SLC5A10: variants seen among roughly 807,000 people sequenced by gnomAD.
SLC5A10 encodes the protein solute carrier family 5 member 10.
SLC5A10 carries 55 observed loss-of-function variants against 68.9 expected under a neutral mutation model. The observed-to-expected ratio is 0.80, with a 90% CI of 0.64 to 1.00. The LOEUF (loss-of-function observed/expected upper bound fraction) is 1.00. Among genes scored for constraint, SLC5A10 ranks in the 50% least tolerant of loss-of-function variants. The pLI is 0.00. For missense variants in SLC5A10, 732 were observed against 819.3 expected (o/e 0.89, Z 1.30); for synonymous variants, 344 against 344.8 (o/e 1.00, Z 0.02).
At chr17:18,962,340 G>A (rs2151994888) in intron 5 of SLC5A10, among the ~76,000 whole-genome samples, 1 of 152,298 alleles carries the variant, frequency 6.6e-6, no homozygotes, top group Admixed American at 6.5e-5. Flanking sequence ...AGAGAGGTGG[G>A]AAGAGGCAGG....
intron 9 of SLC5A10, among the ~76,000 whole-genome samples, chr17:18,997,301 A>G (rs1159989213): frequency 2.6e-5 from 4 of 152,226 alleles, no homozygotes; most frequent in Non-Finnish European, 5.9e-5. Context: ...TGCAAAGACA[A>G]GGGGCTGGCA....
chr17:18,972,342 T>G (rs9916283), intron 8 of SLC5A10, among the ~76,000 whole-genome samples: 1 of 152,170 alleles, frequency 6.6e-6, no homozygotes, highest in South Asian at 2.1e-4. Context: ...CCAGCCTCTG[T>G]GGAATGAACG....
At chr17:18,991,958 G>A (rs191119935) in intron 9 of SLC5A10, among the ~76,000 whole-genome samples, 5 of 152,288 alleles carry the variant, frequency 3.3e-5, no homozygotes, top group South Asian at 2.1e-4. Context: ...TGGGAGGATG[G>A]CCATGCCTGG....
At position 18,968,774 on chromosome 17, in the gene SLC5A10, C is replaced by A. The variant is rs1312517631; in HGVS notation, c.454-278C>A. The stretch of plus-strand genomic sequence containing the variant: ...TATCCCCTCGGGAAGGGGCCAGATT[C>A]AATAACAACACTGCTTTTGGGAAAG... On this transcript the variant is annotated intron_variant, in intron 5 of 14. Coordinates refer to ENST00000395645, the MANE Select transcript of SLC5A10 (RefSeq NM_001042450.4). This position sits in a 1 kb window ranked among gnomAD's most constrained non-coding sequence, Gnocchi z 4.1. 1 of 467,014 alleles carries A rather than the reference C, an allele frequency of 2.1e-6. No homozygotes were observed. Among genetic ancestry groups the A allele is most frequent in the Non-Finnish European group, 3.8e-6 (1 of 262,140 alleles). 28.9% of individuals were successfully genotyped at this position (467,014 alleles called of 1,614,324 possible). A position where few individuals can be genotyped will look rare whatever the true frequency, so the allele number is the denominator to read the frequency against.
chr17:18,958,600 G>A, intron 1 of SLC5A10, 82 bp from the exon 2 acceptor site: 2 of 1,207,046 alleles, frequency 1.7e-6, no homozygotes, highest in South Asian at 1.3e-5. Flanking sequence ...AACCTTTTGA[G>A]GAGCTGCCAA....
At chr17:18,978,773 C>T (rs527822798) in intron 9 of SLC5A10, 12 of 1,612,954 alleles carry the variant, frequency 7.4e-6, no homozygotes, top group Middle Eastern at 1.6e-4. Context: ...CTGGAACTGC[C>T]GGTCAAACAT....
intron 9 of SLC5A10, among the ~76,000 whole-genome samples, chr17:18,980,363 A>G (rs2043100364): frequency 6.6e-6 from 1 of 152,078 alleles, no homozygotes; most frequent in South Asian, 2.1e-4. Flanking sequence ...TGTTTGGCCC[A>G]GGAGCAGGCC....
intron 8 of SLC5A10, among the ~76,000 whole-genome samples, chr17:18,974,804 C>A (rs2042939527): frequency 6.6e-6 from 1 of 152,204 alleles, no homozygotes; most frequent in South Asian, 2.1e-4. Context: ...GGTGAAATGG[C>A]CACTCAGGGA....
intron 9 of SLC5A10, among the ~76,000 whole-genome samples, chr17:18,999,927 C>T (rs1304307377): frequency 6.6e-6 from 1 of 152,208 alleles, no homozygotes; most frequent in Non-Finnish European, 1.5e-5. Flanking sequence ...CTGCTAAGGC[C>T]CCCCTGCTGT....
Position 18,971,655 on chromosome 17 carries a change from T to C in SLC5A10, c.846+437T>C. ...GCGTTTCTGGTAGAGCTCTGGACGC[T>C]GTCAGCAGCAGAGCGGTACCTAGGG... On this transcript the variant is annotated intron_variant, in intron 8 of 14. Transcript: ENST00000395645. This position sits in a 1 kb window ranked among gnomAD's most constrained non-coding sequence, Gnocchi z 5.5. 1 of 1,613,368 alleles carries C rather than the reference T, an allele frequency of 6.2e-7. No individual in the cohort carries two copies. The highest frequency in any genetic ancestry group is 1.1e-5 in the South Asian group (1 of 91,074).
chr17:19,006,403 CTTTTTTT>C (rs532718554), intron 9 of SLC5A10, among the ~76,000 whole-genome samples: 2,281 of 138,452 alleles, frequency 0.016, 25 homozygotes, highest in Non-Finnish European at 0.024. Context: ...TTTCTTTTTT[CTTTTTTT>C]TTTTTTTTTG....
intron 12 of SLC5A10, 37 bp from the exon 13 acceptor site, chr17:19,019,676 C>T (rs1034943418): frequency 3.1e-6 from 5 of 1,603,140 alleles, no homozygotes; most frequent in Non-Finnish European, 4.2e-6. Flanking sequence ...TGGTCCTCCT[C>T]CCGTAGCCCC....
At chr17:18,992,280 T>C (rs2043446185) in intron 9 of SLC5A10, among the ~76,000 whole-genome samples, 1 of 152,236 alleles carries the variant, frequency 6.6e-6, no homozygotes, top group South Asian at 2.1e-4. Flanking sequence ...CAGGGGGACA[T>C]CCGCCTCCAT....
At chr17:18,990,295 C>T (rs2043382634) in intron 9 of SLC5A10, among the ~76,000 whole-genome samples, 1 of 152,182 alleles carries the variant, frequency 6.6e-6, no homozygotes, top group East Asian at 1.9e-4. Context: ...GCAGGCAGGT[C>T]ACCATGACCC....
intron 9 of SLC5A10, among the ~76,000 whole-genome samples, chr17:18,995,165 GA>G (rs146193120): frequency 1.3e-5 from 2 of 151,122 alleles, no homozygotes; most frequent in East Asian, 1.9e-4. Flanking sequence ...ATGCACATGA[GA>G]AAAAAAAATC....
intron 9 of SLC5A10, among the ~76,000 whole-genome samples, chr17:18,984,385 ACAGACC>A (rs1216623578): frequency 2.0e-5 from 3 of 151,420 alleles, no homozygotes; most frequent in African/African-American, 4.9e-5. Flanking sequence ...TGAATCCACC[ACAGACC>A]CAGGCCCAGG....
rs767617281 is a variant in SLC5A10 at position 19,019,507 on chromosome 17, C to T, written c.1326C>T (p.Tyr442=). The T allele has an allele frequency of 4.3e-6, 7 of 1,612,454 alleles. No individual in the cohort carries two copies. The African/African-American group carries it at 8.0e-5, about 18-fold the overall frequency. ...CCAACAGCGGGCAACTCTTCATCTACATGCAGTCAGTGACCAGCTCCCTGG... is the reference window on the plus strand; with the variant it reads ...CCAACAGCGGGCAACTCTTCATCTATATGCAGTCAGTGACCAGCTCCCTGG... The part of the protein sequence containing the change: ...QDSNSGQLFI[Y]MQSVTSSLAP... The change falls in exon 12 of 15, where the codon TAC becomes TAT. Residue 442 remains tyrosine, a synonymous_variant. Coordinates refer to ENST00000395645, the MANE Select transcript of SLC5A10 (RefSeq NM_001042450.4).
intron 8 of SLC5A10, chr17:18,975,687 C>T (rs948744299): frequency 6.6e-6 from 1 of 151,572 alleles, no homozygotes; most frequent in Non-Finnish European, 1.5e-5. Context: ...AAGAGTGAAA[C>T]TCCATCTCAA....
chr17:19,006,359 C>G (rs1375395325), intron 9 of SLC5A10, among the ~76,000 whole-genome samples: 1 of 151,858 alleles, frequency 6.6e-6, no homozygotes, highest in Non-Finnish European at 1.5e-5. Context: ...TAGCTGGGAC[C>G]AGAGACACCA....
Sources: allele counts gnomAD v4.1 joint callset (sites outside exome capture counted in the v4.1 genomes callset), GRCh38; gene constraint gnomAD v4.1.1; non-coding constraint Gnocchi (gnomAD v3.1); transcripts MANE v1.5; gene names NCBI Gene and HGNC (gene_info 2026-07-23, HGNC 2026-07-21).